The following EPHB2 variants were observed in gnomAD, a reference collection of about 807,000 sequenced individuals.
The protein encoded by EPHB2 is ephrin type-B receptor 2.
EPHB2 carries 18 observed loss-of-function variants against 96.4 expected under a neutral mutation model. The ratio of observed to expected loss-of-function variants is 0.19; its 90% CI spans 0.13 to 0.28. The LOEUF (loss-of-function observed/expected upper bound fraction) is 0.28. Ranked by LOEUF, EPHB2 falls within the 10% of genes least tolerant of loss-of-function variation. The pLI, the probability that EPHB2 is intolerant of heterozygous loss-of-function variation, is 1.00. For missense variants in EPHB2, 989 were observed against 1,355.4 expected, an observed-to-expected ratio of 0.73 and a Z score of 4.25; for synonymous variants, 506 against 534.1, an observed-to-expected ratio of 0.95 and a Z score of 0.72.
chr1:22,715,926 G>A (rs1277565693), intron 1 of EPHB2, among the ~76,000 whole-genome samples: 2 of 152,216 alleles, frequency 1.3e-5, no homozygotes, highest in Non-Finnish European at 2.9e-5. Flanking sequence ...ATTAAATGCT[G>A]TGGACATTAA....
chr1:22,821,154 A>G (rs1645146868), intron 3 of EPHB2, among the ~76,000 whole-genome samples: 1 of 152,220 alleles, frequency 6.6e-6, no homozygotes, highest in African/African-American at 2.4e-5. Context: ...GGAAAGAGGA[A>G]GCGGTAAAGA....
At chr1:22,874,691 G>C (rs924198101) in intron 5 of EPHB2, among the ~76,000 whole-genome samples, 1 of 152,170 alleles carries the variant, frequency 6.6e-6, no homozygotes, top group African/African-American at 2.4e-5. Context: ...CACTGGGCAG[G>C]CTCTGCTAAA....
chr1:22,824,311 G>A (rs542863370), intron 3 of EPHB2, among the ~76,000 whole-genome samples: 3 of 151,768 alleles, frequency 2.0e-5, no homozygotes, highest in Admixed American at 2.0e-4. Context: ...AAAGAAAGAA[G>A]GAAAGAAAGA....
chr1:22,820,084 T>C (rs1645132494), intron 3 of EPHB2, among the ~76,000 whole-genome samples: 1 of 152,092 alleles, frequency 6.6e-6, no homozygotes, highest in African/African-American at 2.4e-5. Flanking sequence ...AACAACCCTG[T>C]TGAGATATAT....
intron 5 of EPHB2, among the ~76,000 whole-genome samples, chr1:22,870,826 C>T (rs2176274): frequency 0.11 from 16,312 of 152,222 alleles, 1,536 homozygotes; most frequent in East Asian, 0.47. Context: ...CAAGCCTGGC[C>T]GCTCACCAGC....
chr1:22,755,537 G>A (rs185370973), intron 1 of EPHB2, among the ~76,000 whole-genome samples: 2 of 152,240 alleles, frequency 1.3e-5, no homozygotes, highest in African/African-American at 4.8e-5. Context: ...ATTCTTGATA[G>A]TAGACAAATG....
chr1:22,814,527 T>C (rs1557691007), intron 3 of EPHB2, among the ~76,000 whole-genome samples: 1 of 152,204 alleles, frequency 6.6e-6, no homozygotes. Flanking sequence ...TGTACCACGC[T>C]CTGCCCTTTC....
At chr1:22,864,826 G>A (rs370368389) in intron 4 of EPHB2, 51 bp from the exon 5 acceptor site, 5 of 1,268,666 alleles carry the variant, frequency 3.9e-6, no homozygotes, top group Non-Finnish European at 3.3e-6. Context: ...GTCACATGGG[G>A]AATAGTACCC....
intron 1 of EPHB2, among the ~76,000 whole-genome samples, chr1:22,777,477 G>C (rs973870473): frequency 1.3e-5 from 2 of 152,138 alleles, no homozygotes; most frequent in Non-Finnish European, 2.9e-5. Flanking sequence ...TGTGTTACAG[G>C]GTGGAAAAAG....
chr1:22,819,968 T>A (rs1167673755), intron 3 of EPHB2, among the ~76,000 whole-genome samples: 1 of 151,966 alleles, frequency 6.6e-6, no homozygotes, highest in Non-Finnish European at 1.5e-5. Context: ...TCATGTATCC[T>A]CCATGCTGAA....
At chr1:22,899,253 G>A (rs1289868337) in intron 9 of EPHB2, among the ~76,000 whole-genome samples, 1 of 146,146 alleles carries the variant, frequency 6.8e-6, no homozygotes, top group Non-Finnish European at 1.5e-5. Flanking sequence ...TATAATCCTA[G>A]AACTTTGGGA....
At chr1:22,827,928 C>G (rs959278492) in intron 3 of EPHB2, among the ~76,000 whole-genome samples, 2 of 152,328 alleles carry the variant, frequency 1.3e-5, no homozygotes, top group Non-Finnish European at 1.5e-5. Flanking sequence ...ACGTGAGGGA[C>G]ATGCACAGTG....
intron 1 of EPHB2, among the ~76,000 whole-genome samples, chr1:22,737,288 G>A (rs1275135453): frequency 6.6e-6 from 1 of 152,118 alleles, no homozygotes; most frequent in Non-Finnish European, 1.5e-5. Context: ...CTAAACTGCA[G>A]CTGAGACCAC....
chr1:22,713,209 C>A (rs1185035651), intron 1 of EPHB2, among the ~76,000 whole-genome samples: 3 of 152,110 alleles, frequency 2.0e-5, no homozygotes, highest in Non-Finnish European at 2.9e-5. Context: ...GTTCCGTTTG[C>A]CCCCTGGACA....
intron 1 of EPHB2, among the ~76,000 whole-genome samples, chr1:22,754,552 G>A (rs767028965): frequency 4.0e-5 from 6 of 151,600 alleles, no homozygotes; most frequent in Non-Finnish European, 7.4e-5. Flanking sequence ...CAGGGAGGGA[G>A]GAAAAGGTGG....
At chr1:22,769,196 T>C (rs1215267991) in intron 1 of EPHB2, among the ~76,000 whole-genome samples, 1 of 152,076 alleles carries the variant, frequency 6.6e-6, no homozygotes, top group Non-Finnish European at 1.5e-5. Flanking sequence ...AAGCAGGCTA[T>C]CTGAATGCAA....
intron 1 of EPHB2, among the ~76,000 whole-genome samples, chr1:22,780,329 C>T (rs2148417615): frequency 6.6e-6 from 1 of 152,254 alleles, no homozygotes; most frequent in South Asian, 2.1e-4. Flanking sequence ...CAAGTGGGGC[C>T]CAGGATGGTC....
At chr1:22,833,841 G>A (rs920526812) in intron 3 of EPHB2, among the ~76,000 whole-genome samples, 1 of 152,166 alleles carries the variant, frequency 6.6e-6, no homozygotes, top group Non-Finnish European at 1.5e-5. Flanking sequence ...TCTGTTTACT[G>A]CAGACAAGCC....
chr1:22,885,042 A>G (rs1048888064), intron 6 of EPHB2, among the ~76,000 whole-genome samples: 2 of 152,196 alleles, frequency 1.3e-5, no homozygotes, highest in Admixed American at 1.3e-4. Context: ...CAGGAAGTGG[A>G]CACACGAGGG....
Sources: gnomAD v4.1 joint callset for allele counts (sites outside exome capture counted in the v4.1 genomes callset) on GRCh38, gnomAD v4.1.1 for gene constraint, MANE v1.5 for transcripts, NCBI Gene and HGNC (gene_info 2026-07-23, HGNC 2026-07-21) for gene names.